CDON: variants seen among roughly 807,000 people sequenced by gnomAD.
CDON encodes the protein cell adhesion molecule-related/down-regulated by oncogenes.
In CDON, 73 loss-of-function variants were observed where a neutral mutation model predicts 120.9. The observed-to-expected ratio is 0.60, with a 90% CI of 0.50 to 0.73. The LOEUF (loss-of-function observed/expected upper bound fraction) is 0.73. Ranked by LOEUF, CDON falls within the 30% of genes least tolerant of loss-of-function variation. CDON has a pLI of 0.00. For missense variants in CDON, 1,470 were observed against 1,587.3 expected (o/e 0.93, Z 1.26); for synonymous variants, 566 against 573.5 (o/e 0.99, Z 0.19).
chr11:125,971,804 ACT>A (rs1389403871), intron 18 of CDON, among the ~76,000 whole-genome samples: 1 of 151,582 alleles, frequency 6.6e-6, no homozygotes, highest in Non-Finnish European at 1.5e-5. Flanking sequence ...TGTCCTCTCT[ACT>A]CTCTCTTACA....
chr11:126,039,431 G>C lies in CDON; in HGVS notation c.-61-15894C>G, dbSNP rs187606821. Among the ~76,000 whole-genome samples the C allele has an allele frequency of 5.4e-4, 82 of 152,312 alleles. 3 individuals carry two copies. The highest frequency in any genetic ancestry group is 3.1e-3 in the Admixed American group (48 of 15,296). On this transcript the variant is annotated intron_variant, in intron 1 of 19. Transcript: ENST00000531738. ...ATTTCATTAGAAAACAAAGTAGTAA[G>C]CAAGAAGTAATTTCAGTATAAATGC...
intron 15 of CDON, among the ~76,000 whole-genome samples, chr11:125,985,922 T>C (rs1040634734): frequency 4.6e-5 from 7 of 152,090 alleles, no homozygotes; most frequent in Non-Finnish European, 1.0e-4. Flanking sequence ...TACTCAAGGA[T>C]CTAGAAATAG....
chr11:125,995,066 C>A lies in CDON; in HGVS notation c.2363-14G>T. 1 of 1,598,458 alleles carries A rather than the reference C, an allele frequency of 6.3e-7. No individual in the cohort carries two copies. ...TGTATGTTGAACCTTTGAGGGAAAA[C>A]AAAAACAAACAAACAACAACAACAA... On this transcript the variant is annotated splice_polypyrimidine_tract_variant and intron_variant, in intron 12 of 19. Coordinates refer to ENST00000531738, the MANE Select transcript of CDON (RefSeq NM_001378964.1).
At chr11:126,056,101 A>G (rs1215083079) in intron 1 of CDON, among the ~76,000 whole-genome samples, 1 of 152,206 alleles carries the variant, frequency 6.6e-6, no homozygotes, top group Non-Finnish European at 1.5e-5. Context: ...ATTTGGTTCA[A>G]TGTTGCACCC....
chr11:126,030,588 C>CT (rs1947917952), intron 1 of CDON, among the ~76,000 whole-genome samples: 1 of 151,972 alleles, frequency 6.6e-6, no homozygotes. Flanking sequence ...TGGTAATTTC[C>CT]TTTTTTAAAA....
chr11:126,061,636 G>C (rs1948798355), intron 1 of CDON, among the ~76,000 whole-genome samples: 1 of 152,216 alleles, frequency 6.6e-6, no homozygotes, highest in Admixed American at 6.5e-5. Flanking sequence ...CACTGACTTG[G>C]CGTCTTTCAT....
chr11:126,047,681 T>C (rs950080167), intron 1 of CDON, among the ~76,000 whole-genome samples: 1 of 152,130 alleles, frequency 6.6e-6, no homozygotes, highest in African/African-American at 2.4e-5. Context: ...TGGACCACCA[T>C]ATAGAGATGG....
chr11:126,007,368 T>C (rs139358921), intron 8 of CDON, among the ~76,000 whole-genome samples: 5 of 152,284 alleles, frequency 3.3e-5, no homozygotes, highest in Admixed American at 6.5e-5. Context: ...GAGGAAATAA[T>C]GTAGAAGAAA....
At chr11:126,030,698 G>A (rs1046499797) in intron 1 of CDON, among the ~76,000 whole-genome samples, 2 of 152,100 alleles carry the variant, frequency 1.3e-5, no homozygotes, top group African/African-American at 4.8e-5. Flanking sequence ...ACTAAAACAT[G>A]TCTACTTAAA....
intron 14 of CDON, among the ~76,000 whole-genome samples, chr11:125,990,998 A>T (rs1946617736): frequency 6.6e-6 from 1 of 151,990 alleles, no homozygotes; most frequent in African/African-American, 2.4e-5. Context: ...TTTCCAAAAA[A>T]CTTCTTTTTT....
chr11:126,024,613 AG>A (rs1947737571), intron 1 of CDON, among the ~76,000 whole-genome samples: 1 of 152,234 alleles, frequency 6.6e-6, no homozygotes, highest in Non-Finnish European at 1.5e-5. Flanking sequence ...GTTTTGGCCA[AG>A]GTAAGTCTGA....
intron 1 of CDON, among the ~76,000 whole-genome samples, chr11:126,054,607 C>T (rs1021211098): frequency 6.6e-6 from 1 of 152,146 alleles, no homozygotes; most frequent in Non-Finnish European, 1.5e-5. Flanking sequence ...CATCTTTCTA[C>T]TCAGTGTGCT....
chr11:126,041,458 A>G (rs1047382217), intron 1 of CDON, among the ~76,000 whole-genome samples: 1 of 152,234 alleles, frequency 6.6e-6, no homozygotes, highest in Admixed American at 6.5e-5. Flanking sequence ...CACTTATGAC[A>G]CAGATGGGCA....
intron 1 of CDON, among the ~76,000 whole-genome samples, chr11:126,028,706 G>T (rs754982874): frequency 5.0e-5 from 6 of 118,860 alleles, no homozygotes; most frequent in African/African-American, 8.5e-5. Flanking sequence ...CAGCTGCGGA[G>T]AATTTATTTA....
At chr11:125,981,982 T>C (rs1282956160) in intron 16 of CDON, among the ~76,000 whole-genome samples, 1 of 115,268 alleles carries the variant, frequency 8.7e-6, no homozygotes, top group African/African-American at 3.5e-5. Context: ...TTTTTTTTTT[T>C]TTTTTTTTTT....
In CDON at chr11:126,021,384, G is replaced by A. The variant is rs774702559; in HGVS notation, c.213C>T (p.Asn71=). Residue 71 remains asparagine, a synonymous_variant, in exon 3 of 20, where the codon AAC becomes AAT. Coordinates refer to ENST00000531738, the MANE Select transcript of CDON (RefSeq NM_001378964.1). The part of the protein sequence containing the change: ...WLHNGKTLDG[N]LEHVKIHQGT... ...CCTGATGAATCTTAACATGTTCCAG[G>A]TTTCCATCCAATGTTTTTCCGTTAT... is the stretch of plus-strand genomic sequence containing the variant. 6.8e-6 allele frequency: 11 copies of A among 1,614,006 alleles called. No homozygotes were observed. The highest frequency in any genetic ancestry group is 9.3e-6 in the Non-Finnish European group (11 of 1,180,026).
intron 1 of CDON, among the ~76,000 whole-genome samples, chr11:126,025,474 A>T (rs1018869028): frequency 4.6e-5 from 7 of 152,208 alleles, no homozygotes; most frequent in Non-Finnish European, 8.8e-5. Context: ...AGGCAGCAGA[A>T]AAACAGGGAG....
rs200218770 is a variant in CDON, at chr11:125,970,175, T to TG, written c.3356+8128_3356+8129insC. Among the ~76,000 whole-genome samples the TG allele has an allele frequency of 8.7e-3, 1,057 of 121,508 alleles. 15 individuals carry two copies. The highest frequency in any genetic ancestry group is 0.028 in the African/African-American group (1,021 of 36,630). The allele number at this position is 121,508 out of a possible 152,430, so 79.7% of individuals were successfully genotyped here. Reference sequence around the variant, plus strand: ...TTACATCTTGGTGGTAGTTTATGTTTTTTTTTTTTTTTTTTTTTGAGACAG... The same window carrying TG: ...TTACATCTTGGTGGTAGTTTATGTTTGTTTTTTTTTTTTTTTTTTGAGACAG... On this transcript the variant is annotated intron_variant, in intron 18 of 19. Coordinates refer to ENST00000531738, the MANE Select transcript of CDON (RefSeq NM_001378964.1).
At chr11:125,967,064 CA>C (rs1202739922) in intron 18 of CDON, among the ~76,000 whole-genome samples, 8 of 147,448 alleles carry the variant, frequency 5.4e-5, no homozygotes, top group Non-Finnish European at 9.0e-5. Context: ...TGAGTAGCAA[CA>C]AAAAAAGAAT....
Sources: allele counts gnomAD v4.1 joint callset (sites outside exome capture counted in the v4.1 genomes callset), GRCh38; gene constraint gnomAD v4.1.1; transcripts MANE v1.5; gene names NCBI Gene and HGNC (gene_info 2026-07-23, HGNC 2026-07-21).